ANKS1B: variants seen among roughly 807,000 people sequenced by gnomAD.
ANKS1B encodes the protein ankyrin repeat and sterile alpha motif domain containing 1B.
In ANKS1B, 36 loss-of-function variants were observed where a neutral mutation model predicts 148.3. That is an observed-to-expected ratio of 0.24 (90% CI 0.19 to 0.32). ANKS1B has a LOEUF of 0.32. Ranked by LOEUF, ANKS1B falls within the 10% of genes least tolerant of loss-of-function variation. The probability of loss-of-function intolerance (pLI) is 1.00; values close to 1 mark genes in which losing one functional copy is unlikely to be tolerated. For missense variants in ANKS1B, 1,157 were observed against 1,542.6 expected, an observed-to-expected ratio of 0.75 and a Z score of 4.19; for synonymous variants, 542 against 560.8, an observed-to-expected ratio of 0.97 and a Z score of 0.47.
chr12:99,823,175 T>G (rs933961283), intron 2 of ANKS1B, among the ~76,000 whole-genome samples: 2 of 152,192 alleles, frequency 1.3e-5, no homozygotes. Flanking sequence ...AAATTCCTTA[T>G]AGATTCTGAA....
At chr12:99,587,682 C>A (rs1247322934) in intron 9 of ANKS1B, among the ~76,000 whole-genome samples, 1 of 152,086 alleles carries the variant, frequency 6.6e-6, no homozygotes, top group Middle Eastern at 3.2e-3. Flanking sequence ...GGTACTGCCT[C>A]AATACAATTT....
At chr12:99,371,391 T>C (rs186253972) in intron 12 of ANKS1B, among the ~76,000 whole-genome samples, 1 of 152,242 alleles carries the variant, frequency 6.6e-6, no homozygotes, top group Non-Finnish European at 1.5e-5. Flanking sequence ...TCCTAGTCCC[T>C]GAGCTTTAGT....
At chr12:99,734,990 C>T (rs1220835778) in intron 8 of ANKS1B, among the ~76,000 whole-genome samples, 1 of 152,194 alleles carries the variant, frequency 6.6e-6, no homozygotes, top group African/African-American at 2.4e-5. Context: ...ACCATTCAGT[C>T]ACCCAGCCTA....
At chr12:99,086,727 G>A (rs746635592) in intron 15 of ANKS1B, among the ~76,000 whole-genome samples, 23 of 152,158 alleles carry the variant, frequency 1.5e-4, no homozygotes, top group African/African-American at 5.1e-4. Flanking sequence ...AATCTTTCAC[G>A]GTTTGTAAGA....
intron 15 of ANKS1B, among the ~76,000 whole-genome samples, chr12:99,149,097 A>G (rs2074130789): frequency 6.6e-6 from 1 of 152,114 alleles, no homozygotes; most frequent in African/African-American, 2.4e-5. Context: ...TCACCTTTTA[A>G]GGACAATTAA....
intron 26 of ANKS1B, among the ~76,000 whole-genome samples, chr12:98,747,585 C>T (rs1292291328): frequency 6.6e-6 from 1 of 152,152 alleles, no homozygotes; most frequent in Non-Finnish European, 1.5e-5. Context: ...ACCATATGTT[C>T]CAGCAACCCC....
chr12:99,265,317 T>G (rs1312271454), intron 12 of ANKS1B, among the ~76,000 whole-genome samples: 1 of 152,180 alleles, frequency 6.6e-6, no homozygotes, highest in Non-Finnish European at 1.5e-5. Flanking sequence ...GTCCACTTGA[T>G]TCTCACTAGA....
intron 11 of ANKS1B, among the ~76,000 whole-genome samples, chr12:99,409,062 G>A (rs1162714695): frequency 2.0e-5 from 3 of 152,118 alleles, no homozygotes; most frequent in African/African-American, 4.8e-5. Flanking sequence ...GTTTATTGCA[G>A]GACTATTCAC....
intron 22 of ANKS1B, 130 bp from the exon 23 acceptor site, chr12:98,782,267 A>G (rs940807960): frequency 2.6e-6 from 2 of 774,986 alleles, no homozygotes; most frequent in African/African-American, 1.8e-5. Context: ...AGATGCCACA[A>G]AAGAACAGGC....
chr12:99,903,510 A>T (rs955155576), intron 1 of ANKS1B, among the ~76,000 whole-genome samples: 3 of 152,224 alleles, frequency 2.0e-5, no homozygotes, highest in African/African-American at 4.8e-5. Context: ...GATGAGAGAC[A>T]GAGTACTAGA....
At chr12:99,759,049 CT>C (rs1952844229) in intron 8 of ANKS1B, among the ~76,000 whole-genome samples, 1 of 151,852 alleles carries the variant, frequency 6.6e-6, no homozygotes, top group African/African-American at 2.4e-5. Context: ...AGTTCATTTT[CT>C]TTGTTCATTT....
chr12:99,185,163 A>C (rs1230845298), intron 14 of ANKS1B, among the ~76,000 whole-genome samples: 1 of 152,226 alleles, frequency 6.6e-6, no homozygotes, highest in African/African-American at 2.4e-5. Context: ...GTGAGTTTAA[A>C]AAGTATCAGA....
At chr12:99,025,594 T>C (rs903362178) in intron 17 of ANKS1B, among the ~76,000 whole-genome samples, 1 of 151,954 alleles carries the variant, frequency 6.6e-6, no homozygotes, top group East Asian at 1.9e-4. Context: ...GGAATGAGAG[T>C]TGGATTTGAA....
At chr12:99,893,295 C>T (rs1477698684) in intron 1 of ANKS1B, among the ~76,000 whole-genome samples, 3 of 151,766 alleles carry the variant, frequency 2.0e-5, no homozygotes, top group Non-Finnish European at 4.4e-5. Context: ...CCTGTAGTCC[C>T]AGCCACTCAG....
chr12:99,617,503 G>A (rs1015644326), intron 9 of ANKS1B, among the ~76,000 whole-genome samples: 1 of 128,730 alleles, frequency 7.8e-6, no homozygotes, highest in African/African-American at 3.0e-5. Context: ...GGATGAAGCT[G>A]GAAACCATCA....
At chr12:98,880,523 T>C (rs2099704417) in intron 17 of ANKS1B, among the ~76,000 whole-genome samples, 1 of 151,960 alleles carries the variant, frequency 6.6e-6, no homozygotes, top group Non-Finnish European at 1.5e-5. Flanking sequence ...TCCCAGCACT[T>C]TGGGAGGCCG....
At position 99,323,785 on chromosome 12, in the gene ANKS1B, A is replaced by G. The variant is rs549005422; in HGVS notation, c.1756+75846T>C. ...ATTGACTGTGTCCCTACAAAAGTAG[A>G]GATCAATATGTAGGTAAGAGGTAGG... On this transcript the variant is annotated intron_variant, in intron 12 of 26. Coordinates refer to ENST00000683438, the MANE Select transcript of ANKS1B (RefSeq NM_001352186.2). 3.3e-5 allele frequency among the ~76,000 whole-genome samples: 5 copies of G among 152,346 alleles called. 1 individual carries two copies. The highest frequency in any genetic ancestry group is 1.3e-4 in the Admixed American group (2 of 15,290).
At chr12:99,154,576 C>T in intron 14 of ANKS1B, 181 bp from the exon 15 acceptor site, 2 of 1,503,864 alleles carry the variant, frequency 1.3e-6, no homozygotes, top group Non-Finnish European at 1.8e-6. Flanking sequence ...AGAAGTAAAA[C>T]ATAGTTTGCC....
At chr12:99,914,324 C>A (rs528801330) in intron 1 of ANKS1B, among the ~76,000 whole-genome samples, 1 of 152,052 alleles carries the variant, frequency 6.6e-6, no homozygotes, top group Non-Finnish European at 1.5e-5. Context: ...CAGTATAATG[C>A]CCAAAATTTT....
Sources: allele counts gnomAD v4.1 joint callset (sites outside exome capture counted in the v4.1 genomes callset), GRCh38; gene constraint gnomAD v4.1.1; transcripts MANE v1.5; gene names NCBI Gene and HGNC (gene_info 2026-07-23, HGNC 2026-07-21).